Variants in LSS observed in about 807,000 individuals in gnomAD.
LSS encodes the protein lanosterol synthase, also known as 2,3-epoxysqualene-lanosterol cyclase.
In LSS, 90 loss-of-function variants were observed where a neutral mutation model predicts 110.3. That is an observed-to-expected ratio of 0.82 (90% CI 0.69 to 0.97). The LOEUF is 0.97. LSS is among the 50% of genes least tolerant of loss of function. LSS has a pLI of 0.00. For synonymous variants in LSS, 433 were observed against 400.0 expected, an observed-to-expected ratio of 1.08 and a Z score of -0.98; for missense variants, 927 against 990.0, an observed-to-expected ratio of 0.94 and a Z score of 0.85.
At chr21:46,211,678 C>T (rs2080136602) in intron 11 of LSS, among the ~76,000 whole-genome samples, 1 of 152,106 alleles carries the variant, frequency 6.6e-6, no homozygotes, top group South Asian at 2.1e-4. Context: ...GCAGGGACCA[C>T]CAGAAAAGCA....
At chr21:46,221,403 C>A (rs1280439911) in intron 5 of LSS, among the ~76,000 whole-genome samples, 1 of 152,132 alleles carries the variant, frequency 6.6e-6, no homozygotes, top group Non-Finnish European at 1.5e-5. Context: ...GTCACCCAGG[C>A]TAGAGTGCGG....
chr21:46,191,740 T>C (rs529746049), intron 21 of LSS, 141 bp downstream of exon 21: 7 of 694,914 alleles, frequency 1.0e-5, no homozygotes, highest in Admixed American at 6.3e-5. Context: ...TGCCACCAAC[T>C]GTGGCATTCA....
chr21:46,206,069 A>G lies in LSS; in HGVS notation c.1565-128T>C. 4 of 667,106 alleles carry G rather than the reference A, an allele frequency of 6.0e-6. No individual in the cohort carries two copies. In the Middle Eastern group the frequency reaches 7.9e-4, roughly 132 times the overall value. 41.3% of individuals were successfully genotyped at this position (667,106 alleles called of 1,614,324 possible). ...GGGCCCGGACGCTGCCTCCCTGACC[A>G]ACCTCCAGAGCAAACGCCGGCTGGT... On this transcript the variant is annotated intron_variant, in intron 16 of 21. Transcript: ENST00000397728.
chr21:46,198,140 G>A (rs2079933025), intron 17 of LSS, among the ~76,000 whole-genome samples: 1 of 152,040 alleles, frequency 6.6e-6, no homozygotes, highest in Non-Finnish European at 1.5e-5. Flanking sequence ...AGTGGCACAT[G>A]CCTGTGGTCC....
Position 46,207,508 on chromosome 21 carries a change from C to T in LSS, c.1387G>A (p.Ala463Thr), listed in dbSNP as rs760774545. ...VSDCTAEALK[A>T]VLLLQEKCPH... Reference sequence around the variant, plus strand: ...CACTTCTCCTGCAGGAGCAGCACAGCCTTCAAGGCCTCAGCCGTGCAGTCA... The same window carrying T: ...CACTTCTCCTGCAGGAGCAGCACAGTCTTCAAGGCCTCAGCCGTGCAGTCA... Residue 463 changes from alanine to threonine, a missense_variant, in exon 15 of 22, where the codon GCT becomes ACT. By Grantham distance (58) the Ala-to-Thr change is moderately conservative. Coordinates refer to ENST00000397728, the MANE Select transcript of LSS (RefSeq NM_002340.6). 1 of 1,612,328 alleles carries T rather than the reference C, an allele frequency of 6.2e-7. No individual in the cohort carries two copies. Among genetic ancestry groups the T allele is most frequent in the South Asian group, 1.1e-5 (1 of 90,700 alleles).
At chr21:46,210,585 G>C in intron 12 of LSS, 103 bp downstream of exon 12, 1 of 1,135,284 alleles carries the variant, frequency 8.8e-7, no homozygotes, top group South Asian at 1.3e-5. Context: ...AAGTATCGAG[G>C]AGTGGCAAGT....
intron 3 of LSS, 191 bp downstream of exon 3, chr21:46,227,361 C>T: frequency 1.6e-6 from 1 of 641,340 alleles, no homozygotes; most frequent in Non-Finnish European, 2.6e-6. Context: ...TGTCACCCTA[C>T]ACTGGCAAGG....
rs1569023804 is a variant in LSS at position 46,204,943 on chromosome 21, T to C, written c.1670+893A>G. On this transcript the variant is annotated intron_variant, in intron 17 of 21. Coordinates refer to ENST00000397728, the MANE Select transcript of LSS (RefSeq NM_002340.6). ...ATTCTTCAAATTGAATCTAGCAATATATAAAAAGGACAGTGCATTGTGACC... is the reference window on the plus strand; with the variant it reads ...ATTCTTCAAATTGAATCTAGCAATACATAAAAAGGACAGTGCATTGTGACC... Among the ~76,000 whole-genome samples, 3 of 152,132 alleles carry C rather than the reference T, an allele frequency of 2.0e-5. 1 individual carries two copies.
intron 17 of LSS, among the ~76,000 whole-genome samples, chr21:46,201,197 G>C (rs1479741096): frequency 1.5e-5 from 1 of 65,822 alleles, no homozygotes. Flanking sequence ...AGCCCTGAGG[G>C]TAGAGCCTGG....
intron 17 of LSS, among the ~76,000 whole-genome samples, chr21:46,199,295 G>T (rs1295150537): frequency 6.6e-6 from 1 of 152,174 alleles, no homozygotes; most frequent in African/African-American, 2.4e-5. Context: ...ATGTCATTAG[G>T]GAATTGCAAA....
At position 46,228,774 on chromosome 21, in the gene LSS, T is replaced by G; in HGVS notation, c.-29A>C. On this transcript the variant is annotated 5_prime_UTR_variant, in exon 1 of 22. Coordinates refer to ENST00000397728, the MANE Select transcript of LSS (RefSeq NM_002340.6). Reference sequence around the variant, plus strand: ...TGCTGCAGTGCTCTACGCCGCCCACTGCCAGCTGCCAGATGTCCGCACCCG... The same window carrying G: ...TGCTGCAGTGCTCTACGCCGCCCACGGCCAGCTGCCAGATGTCCGCACCCG... 6.5e-7 allele frequency: 1 copy of G among 1,545,686 alleles called. No homozygotes were observed. The highest frequency in any genetic ancestry group is 8.7e-7 in the Non-Finnish European group (1 of 1,152,780).
intron 5 of LSS, 176 bp downstream of exon 5, chr21:46,221,678 A>C: frequency 1.1e-6 from 1 of 919,466 alleles, no homozygotes; most frequent in South Asian, 1.7e-5. Context: ...TTGCTTTTTT[A>C]AAAAATGATG....
chr21:46,189,388 C>T lies in LSS; in HGVS notation c.*1716G>A, dbSNP rs2079772576. 3.3e-6 allele frequency: 1 copy of T among 301,456 alleles called. No homozygotes were observed. Among genetic ancestry groups the T allele is most frequent in the Non-Finnish European group, 6.5e-6 (1 of 154,250 alleles). 18.7% of individuals were successfully genotyped at this position (301,456 alleles called of 1,614,324 possible). A position where few individuals can be genotyped will look rare whatever the true frequency, so the allele number is the denominator to read the frequency against. On this transcript the variant is annotated 3_prime_UTR_variant, in exon 22 of 22. Coordinates refer to ENST00000397728, the MANE Select transcript of LSS (RefSeq NM_002340.6). Reference sequence around the variant, plus strand: ...CAGCATGTGCAAACCTGACAGATGTCAAGGGTCCCAACACAGTTCCTTCAG... The same window carrying T: ...CAGCATGTGCAAACCTGACAGATGTTAAGGGTCCCAACACAGTTCCTTCAG...
chr21:46,192,346 A>T, intron 20 of LSS: 2 of 403,050 alleles, frequency 5.0e-6, no homozygotes, highest in East Asian at 1.3e-4. Flanking sequence ...TCCAGGGCTC[A>T]GCGGGCCCAG....
intron 3 of LSS, chr21:46,227,305 C>A: frequency 2.0e-6 from 1 of 497,802 alleles, no homozygotes; most frequent in Non-Finnish European, 3.6e-6. Context: ...TCCCTCAAGG[C>A]AACACAGAGC....
intron 4 of LSS, chr21:46,222,321 C>A: frequency 1.9e-6 from 1 of 529,976 alleles, no homozygotes. Context: ...TTGTCTCCAC[C>A]TGCTGCCAGC....
chr21:46,204,103 G>C (rs1297901752), intron 17 of LSS, among the ~76,000 whole-genome samples: 1 of 152,124 alleles, frequency 6.6e-6, no homozygotes, highest in African/African-American at 2.4e-5. Flanking sequence ...GACCAGCTTG[G>C]ACAACATGGT....
chr21:46,205,550 C>A (rs982262273), intron 17 of LSS, among the ~76,000 whole-genome samples: 2 of 152,172 alleles, frequency 1.3e-5, no homozygotes, highest in Admixed American at 6.5e-5. Context: ...ACTTAAAAAC[C>A]GTTTCTGGGA....
At chr21:46,215,057 C>T in intron 9 of LSS, 123 bp downstream of exon 9, 1 of 785,910 alleles carries the variant, frequency 1.3e-6, no homozygotes. Flanking sequence ...GGGCCACCTC[C>T]CAAATGGAGG....
Sources: gnomAD v4.1 joint callset for allele counts (sites outside exome capture counted in the v4.1 genomes callset) on GRCh38, gnomAD v4.1.1 for gene constraint, MANE v1.5 for transcripts, NCBI Gene and HGNC (gene_info 2026-07-23, HGNC 2026-07-21) for gene names.